The following ME3 variants were observed in gnomAD, a reference collection of about 807,000 sequenced individuals.
The protein encoded by ME3 is NADP-dependent malic enzyme, mitochondrial.
In ME3, 48 loss-of-function variants were observed where a neutral mutation model predicts 68.9. The ratio of observed to expected loss-of-function variants is 0.70; its 90% CI spans 0.55 to 0.89. ME3 has a LOEUF of 0.89. Ranked by LOEUF, ME3 falls within the 40% of genes least tolerant of loss-of-function variation. ME3 has a pLI of 0.00. For synonymous variants in ME3, 320 were observed against 318.8 expected, an observed-to-expected ratio of 1.00 and a Z score of -0.04; for missense variants, 675 against 797.4, an observed-to-expected ratio of 0.85 and a Z score of 1.85.
At chr11:86,489,841 C>G (rs1485083279) in intron 6 of ME3, among the ~76,000 whole-genome samples, 2 of 152,154 alleles carry the variant, frequency 1.3e-5, no homozygotes, top group African/African-American at 4.8e-5. Context: ...ACAGGTGTCT[C>G]CCCAGTACCT....
chr11:86,612,490 T>A (rs139846485), intron 2 of ME3, among the ~76,000 whole-genome samples: 5,295 of 152,308 alleles, frequency 0.035, 124 homozygotes, highest in Non-Finnish European at 0.054. Context: ...ACCGCCATAC[T>A]GTCTTCCACA....
intron 2 of ME3, among the ~76,000 whole-genome samples, chr11:86,583,868 GA>G (rs773357930): frequency 1.3e-5 from 2 of 152,096 alleles, no homozygotes; most frequent in Non-Finnish European, 2.9e-5. Context: ...ACTCCTAGAA[GA>G]AAACATAGGG....
chr11:86,541,186 T>C (rs1387786696), intron 4 of ME3, among the ~76,000 whole-genome samples: 1 of 152,046 alleles, frequency 6.6e-6, no homozygotes, highest in Admixed American at 6.5e-5. Flanking sequence ...ACCAGAGCCC[T>C]AGGTTTCAAG....
Position 86,671,890 on chromosome 11 carries a change from A to AGGCCC in ME3, c.50_54dup (p.Cys19GlyfsTer30), listed in dbSNP as rs780919056. On this transcript the variant is annotated frameshift_variant, in exon 2 of 15. Transcript: ENST00000543262. LOFTEE classifies it high-confidence loss of function. ...GGTGTCCAGCGCGGGAGGGCGCCGC[A>AGGCCC]GGCCCGGCCCGGCCAGGGAGCCAGC... 3 of 1,497,874 alleles carry AGGCCC rather than the reference A, an allele frequency of 2.0e-6. No individual in the cohort carries two copies. The highest frequency in any genetic ancestry group is 2.7e-6 in the Non-Finnish European group (3 of 1,131,284). 92.8% of individuals were successfully genotyped at this position (1,497,874 alleles called of 1,614,324 possible).
At chr11:86,481,815 T>A (rs1951426457) in intron 7 of ME3, among the ~76,000 whole-genome samples, 1 of 152,050 alleles carries the variant, frequency 6.6e-6, no homozygotes, top group Non-Finnish European at 1.5e-5. Flanking sequence ...GATGCTTAGG[T>A]CACAAGGCTC....
chr11:86,641,426 A>T (rs1323159629), intron 2 of ME3, among the ~76,000 whole-genome samples: 1 of 152,202 alleles, frequency 6.6e-6, no homozygotes, highest in Non-Finnish European at 1.5e-5. Flanking sequence ...GCATGGACCC[A>T]AGAGTCCCTC....
At chr11:86,596,286 A>T (rs961015792) in intron 2 of ME3, among the ~76,000 whole-genome samples, 12 of 152,220 alleles carry the variant, frequency 7.9e-5, no homozygotes, top group African/African-American at 2.9e-4. Flanking sequence ...ATTTGAGAAC[A>T]TACTGAATTT....
At chr11:86,504,380 C>CTTTTTTT (rs35899335) in intron 5 of ME3, among the ~76,000 whole-genome samples, 3 of 77,406 alleles carry the variant, frequency 3.9e-5, no homozygotes, top group African/African-American at 1.0e-4. Flanking sequence ...CCTATACATT[C>CTTTTTTT]TTTTTTTTTT....
At chr11:86,562,330 A>G (rs908815547) in intron 2 of ME3, among the ~76,000 whole-genome samples, 2 of 152,214 alleles carry the variant, frequency 1.3e-5, no homozygotes, top group African/African-American at 4.8e-5. Flanking sequence ...TTTGATGATT[A>G]TAAATAAAGT....
chr11:86,494,402 T>G (rs1952185836), intron 6 of ME3, among the ~76,000 whole-genome samples: 2 of 152,192 alleles, frequency 1.3e-5, no homozygotes, highest in Non-Finnish European at 2.9e-5. Context: ...CAATCCCAGC[T>G]CTGATACTTA....
intron 2 of ME3, among the ~76,000 whole-genome samples, chr11:86,611,204 T>C (rs1942546471): frequency 6.6e-6 from 1 of 152,100 alleles, no homozygotes; most frequent in East Asian, 1.9e-4. Flanking sequence ...GTTGAACTCA[T>C]AACAGAAAAT....
chr11:86,613,672 A>G (rs962646543), intron 2 of ME3, among the ~76,000 whole-genome samples: 2 of 152,176 alleles, frequency 1.3e-5, no homozygotes, highest in Non-Finnish European at 2.9e-5. Context: ...CTTTACACCA[A>G]CAATAGACAG....
chr11:86,672,093 C>T lies in ME3; in HGVS notation c.-14-135G>A, dbSNP rs1430624235. ...GGTGCTCCCAAAGGGTTAAATGTTC[C>T]AGCCCCCGCCACTCCTCGGCTGCCA... On this transcript the variant is annotated intron_variant, in intron 1 of 14. Transcript: ENST00000543262. The T allele has an allele frequency of 5.6e-6, 4 of 719,486 alleles. No individual in the cohort carries two copies. The African/African-American group carries it at 7.5e-5, about 13-fold the overall frequency. 44.6% of individuals were successfully genotyped at this position (719,486 alleles called of 1,614,324 possible).
intron 3 of ME3, among the ~76,000 whole-genome samples, chr11:86,558,661 G>A (rs900359805): frequency 6.6e-6 from 1 of 152,148 alleles, no homozygotes; most frequent in Non-Finnish European, 1.5e-5. Context: ...TCTATAGTTT[G>A]TTTGTTCTAA....
At chr11:86,586,132 T>C (rs752253882) in intron 2 of ME3, among the ~76,000 whole-genome samples, 35 of 152,126 alleles carry the variant, frequency 2.3e-4, no homozygotes, top group Non-Finnish European at 4.6e-4. Context: ...GGGGGTGGTT[T>C]AAGGTGGAGA....
chr11:86,611,445 CAAAA>C (rs1434092476), intron 2 of ME3, among the ~76,000 whole-genome samples: 1 of 151,224 alleles, frequency 6.6e-6, no homozygotes, highest in Non-Finnish European at 1.5e-5. Context: ...GTTCTCAACA[CAAAA>C]AAAGGTGGGT....
At chr11:86,636,066 A>G (rs1445380906) in intron 2 of ME3, among the ~76,000 whole-genome samples, 2 of 152,194 alleles carry the variant, frequency 1.3e-5, no homozygotes, top group Non-Finnish European at 2.9e-5. Context: ...TTACCAGCCT[A>G]CAAGGGTCCT....
chr11:86,662,197 T>C (rs549864993), intron 2 of ME3, among the ~76,000 whole-genome samples: 1 of 152,282 alleles, frequency 6.6e-6, no homozygotes, highest in South Asian at 2.1e-4. Flanking sequence ...ACACTAGAAG[T>C]GTTAGTACAG....
rs186613207 is a variant in ME3, at chr11:86,550,808, G to A, written c.467+5745C>T. On this transcript the variant is annotated intron_variant, in intron 4 of 14. Transcript: ENST00000543262. Reference sequence around the variant, plus strand: ...CTCAAAAACCATGCCCTGGGTGTCAGGGATCTCTCCATTTACTGGGGCAAG... The same window carrying A: ...CTCAAAAACCATGCCCTGGGTGTCAAGGATCTCTCCATTTACTGGGGCAAG... 1.5e-3 allele frequency among the ~76,000 whole-genome samples: 229 copies of A among 152,270 alleles called. 2 individuals are homozygous for A. The highest frequency in any genetic ancestry group is 0.012 in the Admixed American group (191 of 15,290).
Sources: gnomAD v4.1 joint callset for allele counts (sites outside exome capture counted in the v4.1 genomes callset) on GRCh38, gnomAD v4.1.1 for gene constraint, MANE v1.5 for transcripts, NCBI Gene and HGNC (gene_info 2026-07-23, HGNC 2026-07-21) for gene names.